The following CDHR3 variants were observed in gnomAD, a reference collection of about 807,000 sequenced individuals.
The protein encoded by CDHR3 is cadherin-related family member 3.
CDHR3 carries 79 observed loss-of-function variants against 86.6 expected under a neutral mutation model. That is an observed-to-expected ratio of 0.91 (90% CI 0.76 to 1.10). The LOEUF is 1.10. Among genes scored for constraint, CDHR3 ranks in the 50% least tolerant of loss-of-function variants. CDHR3 has a pLI of 0.00. For synonymous variants in CDHR3, 421 were observed against 402.4 expected, an observed-to-expected ratio of 1.05 and a Z score of -0.55; for missense variants, 1,081 against 1,077.6, an observed-to-expected ratio of 1.00 and a Z score of -0.04.
chr7:106,025,987 T>C (rs1002335101), intron 15 of CDHR3, among the ~76,000 whole-genome samples: 1 of 152,350 alleles, frequency 6.6e-6, no homozygotes, highest in East Asian at 1.9e-4. Context: ...GCAACTCTCA[T>C]GTAATTTATG....
chr7:105,963,418 A>G (rs1826340484), intron 1 of CDHR3, 54 bp downstream of exon 1: 2 of 1,557,734 alleles, frequency 1.3e-6, no homozygotes, highest in Non-Finnish European at 8.9e-7. Flanking sequence ...TCTGCATAAT[A>G]CCATTGAATG....
intron 4 of CDHR3, among the ~76,000 whole-genome samples, chr7:105,985,319 T>C (rs944525008): frequency 6.6e-6 from 1 of 152,260 alleles, no homozygotes; most frequent in South Asian, 2.1e-4. Flanking sequence ...ACACTGCAGC[T>C]GAGCAGTCCA....
At chr7:105,988,465 C>T (rs569993520) in intron 4 of CDHR3, among the ~76,000 whole-genome samples, 2 of 152,300 alleles carry the variant, frequency 1.3e-5, no homozygotes, top group Admixed American at 1.3e-4. Context: ...CCACGAGTCA[C>T]CCTGCTGGTG....
At chr7:105,984,609 T>C (rs981373284) in intron 4 of CDHR3, among the ~76,000 whole-genome samples, 1 of 152,184 alleles carries the variant, frequency 6.6e-6, no homozygotes, top group Non-Finnish European at 1.5e-5. Context: ...AGACAATGCA[T>C]GTAAAACCAC....
intron 14 of CDHR3, among the ~76,000 whole-genome samples, chr7:106,022,964 C>T (rs760661655): frequency 3.3e-5 from 5 of 152,160 alleles, no homozygotes; most frequent in African/African-American, 4.8e-5. Flanking sequence ...CTACAAATAT[C>T]GATTTAATGC....
chr7:105,974,734 C>T (rs1828532321), intron 1 of CDHR3, 110 bp from the exon 2 acceptor site: 3 of 785,792 alleles, frequency 3.8e-6, no homozygotes, highest in Non-Finnish European at 6.4e-6. Flanking sequence ...GTGACCAGCT[C>T]TCATCGTCAC....
chr7:106,002,613 A>G (rs1218427442), intron 7 of CDHR3, among the ~76,000 whole-genome samples: 1 of 152,126 alleles, frequency 6.6e-6, no homozygotes, highest in Non-Finnish European at 1.5e-5. Flanking sequence ...TCTCAAAGGC[A>G]GGTGTGTAAG....
chr7:106,024,467 A>G lies in CDHR3; in HGVS notation c.2163A>G (p.Ile721Met), dbSNP rs749234987. ...YVPFVITLGSILLLGLLVYLV... is the reference protein window; with the variant it reads ...YVPFVITLGSMLLLGLLVYLV... ...CGTTTGTCATCACTTTGGGCTCCAT[A>G]TTGCTTCTGGGTCTCCTCGTGTACC... The change falls in exon 15 of 19, where the codon ATA (isoleucine) becomes ATG (methionine). Residue 721 changes from isoleucine (I) to methionine (M), a missense_variant. Coordinates refer to ENST00000317716, the MANE Select transcript of CDHR3 (RefSeq NM_152750.5). 3.1e-6 allele frequency: 5 copies of G among 1,613,914 alleles called. 1 individual carries two copies. The South Asian group carries it at 4.4e-5, about 14-fold the overall frequency.
chr7:106,009,353 G>A (rs1834415840), intron 8 of CDHR3, among the ~76,000 whole-genome samples: 1 of 152,168 alleles, frequency 6.6e-6, no homozygotes, highest in South Asian at 2.1e-4. Flanking sequence ...GGGCGGGTGC[G>A]GAGAGGGCTG....
At chr7:106,001,906 TA>T (rs1169890628) in intron 7 of CDHR3, among the ~76,000 whole-genome samples, 1 of 152,260 alleles carries the variant, frequency 6.6e-6, no homozygotes, top group East Asian at 1.9e-4. Context: ...TGTATATGTT[TA>T]GTGCAAATGC....
Position 105,984,268 on chromosome 7 carries a change from A to T in CDHR3, c.492A>T (p.Thr164=). 1 of 1,610,034 alleles carries T rather than the reference A, an allele frequency of 6.2e-7. No individual in the cohort carries two copies. Among genetic ancestry groups the T allele is most frequent in the Non-Finnish European group, 8.5e-7 (1 of 1,177,366 alleles). The part of the protein sequence containing the change: ...YQVEAFDPED[T]SRNIPLSYFL... The stretch of plus-strand genomic sequence containing the variant: ...TTGAGGCCTTCGATCCAGAAGACAC[A>T]AGCCGAAACATTCCCCTCAGTGTAA... Residue 164 remains threonine (T), a synonymous_variant, in exon 4 of 19, where the codon ACA becomes ACT. Transcript: ENST00000317716.
intron 17 of CDHR3, among the ~76,000 whole-genome samples, chr7:106,029,873 C>G (rs1239080248): frequency 2.6e-5 from 4 of 152,172 alleles, no homozygotes; most frequent in African/African-American, 9.7e-5. Flanking sequence ...TTGGGGATGC[C>G]ACTTAGCGAT....
At position 105,996,262 on chromosome 7, in the gene CDHR3, C is replaced by G. The variant is rs777649960; in HGVS notation, c.621C>G (p.Ile207Met). ...GTTTCCCTGGCAGTTTCCATCTCAT[C>G]GTGGAGGTGAGGGACAGTGGAGGCC... is the stretch of plus-strand genomic sequence containing the variant. Reference protein sequence around the residue: ...FEAGHRSFHLIVEVRDSGGLK... With the variant: ...FEAGHRSFHLMVEVRDSGGLK... The change falls in exon 6 of 19, where the codon ATC becomes ATG. Residue 207 changes from isoleucine to methionine, a missense_variant. Physicochemically the swap from Ile to Met is conservative, Grantham distance 10. Coordinates refer to ENST00000317716, the MANE Select transcript of CDHR3 (RefSeq NM_152750.5). 2 of 1,581,300 alleles carry G rather than the reference C, an allele frequency of 1.3e-6. No individual in the cohort carries two copies. The highest frequency in any genetic ancestry group is 4.5e-5 in the East Asian group (2 of 44,170).
At chr7:105,976,710 G>A (rs1828865310) in intron 2 of CDHR3, among the ~76,000 whole-genome samples, 1 of 152,012 alleles carries the variant, frequency 6.6e-6, no homozygotes, top group African/African-American at 2.4e-5. Context: ...ATTATAGTAT[G>A]TGGTCTTTAA....
intron 4 of CDHR3, among the ~76,000 whole-genome samples, chr7:105,985,912 G>A (rs1399679115): frequency 6.6e-6 from 1 of 152,182 alleles, no homozygotes; most frequent in African/African-American, 2.4e-5. Flanking sequence ...AGGCAGGCAG[G>A]CAGTTCAGCA....
chr7:105,993,100 G>A (rs1278705927), intron 4 of CDHR3, among the ~76,000 whole-genome samples: 2 of 152,208 alleles, frequency 1.3e-5, no homozygotes, highest in African/African-American at 2.4e-5. Flanking sequence ...AGGGGCTGTG[G>A]CTGTGGTTGC....
chr7:105,994,706 G>T, intron 4 of CDHR3, 45 bp from the exon 5 acceptor site: 1 of 1,273,428 alleles, frequency 7.9e-7, no homozygotes. Context: ...GGGGAAGGGT[G>T]GGCAGGTGGG....
rs75653728 is a variant in CDHR3, at chr7:106,035,492, G to C, written c.*2795G>C. Among the ~76,000 whole-genome samples the C allele has an allele frequency of 0.021, 3,250 of 152,296 alleles. 55 individuals carry two copies. The highest frequency in any genetic ancestry group is 0.046 in the African/African-American group (1,927 of 41,564). ...TTTTGAACAAAGAATGGAACAAAAT[G>C]CCCAGCAAAGCAGAGAAAGAATGAG... On this transcript the variant is annotated 3_prime_UTR_variant, in exon 19 of 19. Transcript: ENST00000317716.
intron 7 of CDHR3, among the ~76,000 whole-genome samples, chr7:106,003,943 G>T (rs1292234266): frequency 9.4e-6 from 1 of 106,332 alleles, no homozygotes; most frequent in Non-Finnish European, 1.7e-5. Context: ...TATTTATTAA[G>T]ATTTTTTGGT....
Sources: allele counts gnomAD v4.1 joint callset (sites outside exome capture counted in the v4.1 genomes callset), GRCh38; gene constraint gnomAD v4.1.1; transcripts MANE v1.5; gene names NCBI Gene and HGNC (gene_info 2026-07-23, HGNC 2026-07-21).